The following KCNQ1OT1 variants were observed in gnomAD, a reference collection of about 807,000 sequenced individuals.
KCNQ1OT1 encodes the protein KCNQ1 opposite strand/antisense transcript 1, also known as KCNQ1 antisense RNA 2 (non-protein coding).
exon 1 of KCNQ1OT1, chr11:2,616,404 TCATA>T: frequency 5.0e-6 from 2 of 398,040 alleles, no homozygotes; most frequent in East Asian, 3.6e-5. Flanking sequence ...TTATCTCCAC[TCATA>T]CATATTATTT....
rs572565752 is a variant in KCNQ1OT1, at chr11:2,620,589, A to G, written n.79406T>C. 2.4e-4 allele frequency: 94 copies of G among 397,412 alleles called. No homozygotes were observed. The highest frequency in any genetic ancestry group is 2.0e-3 in the South Asian group (14 of 7,020). The allele number at this position is 397,412 out of a possible 1,614,324, so 24.6% of individuals were successfully genotyped here. ...CCACATTTTCTTTATCCAATCCACC[A>G]CTGATGGGCATCTAAGTGGATTCCA... is the stretch of plus-strand genomic sequence containing the variant. On this transcript the variant is annotated non_coding_transcript_exon_variant, in exon 1 of 1. Transcript: ENST00000597346. The surrounding 1 kb of genome is among the most constrained non-coding windows in gnomAD (Gnocchi z 4.5).
rs539849224 is a variant in KCNQ1OT1 at position 2,677,843 on chromosome 11, G to A, written n.22152C>T. Reference sequence around the variant, plus strand: ...TGATAGATACTGCCAAATAAGGGCTGTACCATTTACATCACTTTGACTGCA... The same window carrying A: ...TGATAGATACTGCCAAATAAGGGCTATACCATTTACATCACTTTGACTGCA... On this transcript the variant is annotated non_coding_transcript_exon_variant, in exon 1 of 1. Coordinates refer to ENST00000597346, the Ensembl canonical transcript of KCNQ1OT1. This position sits in a 1 kb window ranked among gnomAD's most constrained non-coding sequence, Gnocchi z 4.5. The A allele has an allele frequency of 5.5e-5, 22 of 398,440 alleles. No homozygotes were observed. In the East Asian group the frequency reaches 7.5e-4, roughly 14 times the overall value. 24.7% of individuals were successfully genotyped at this position (398,440 alleles called of 1,614,324 possible). A position where few individuals can be genotyped will look rare whatever the true frequency, so the allele number is the denominator to read the frequency against.
chr11:2,673,373 G>A lies in KCNQ1OT1; in HGVS notation n.26622C>T. ...GCAAACAAAGGGAAGTGACAGAGCA[G>A]AGCTCCCCTTGGCCTTTGTTTAGCC... On this transcript the variant is annotated non_coding_transcript_exon_variant, in exon 1 of 1. Coordinates refer to ENST00000597346, the Ensembl canonical transcript of KCNQ1OT1. This position sits in a 1 kb window ranked among gnomAD's most constrained non-coding sequence, Gnocchi z 4.5. The A allele has an allele frequency of 2.5e-6, 1 of 398,722 alleles. No individual in the cohort carries two copies. The highest frequency in any genetic ancestry group is 3.6e-5 in the East Asian group (1 of 28,082). 24.7% of individuals were successfully genotyped at this position (398,722 alleles called of 1,614,324 possible). A position where few individuals can be genotyped will look rare whatever the true frequency, so the allele number is the denominator to read the frequency against.
At chr11:2,650,500 C>T (rs1465019612) in exon 1 of KCNQ1OT1, 1 of 398,566 alleles carries the variant, frequency 2.5e-6, no homozygotes, top group Non-Finnish European at 4.4e-6. Context: ...GGTGTCTCTA[C>T]AATTAATTAG....
chr11:2,625,171 C>T, exon 1 of KCNQ1OT1: 1 of 398,682 alleles, frequency 2.5e-6, no homozygotes. Context: ...AACACAGAGG[C>T]TGTACCATTT....
chr11:2,682,957 T>C lies in KCNQ1OT1; in HGVS notation n.17038A>G, dbSNP rs2133882859. 2.5e-6 allele frequency: 1 copy of C among 398,608 alleles called. No individual in the cohort carries two copies. Among genetic ancestry groups the C allele is most frequent in the East Asian group, 3.6e-5 (1 of 28,060 alleles). The allele number at this position is 398,608 out of a possible 1,614,324, so 24.7% of individuals were successfully genotyped here. On this transcript the variant is annotated non_coding_transcript_exon_variant, in exon 1 of 1. Transcript: ENST00000597346. This position sits in a 1 kb window ranked among gnomAD's most constrained non-coding sequence, Gnocchi z 5.8. ...TGTGTGGAAGAAAGGACAGGAGTCC[T>C]TCTGCCACCCAGACTGTGCATTCAG... is the stretch of plus-strand genomic sequence containing the variant.
rs940333141 is a variant in KCNQ1OT1 at position 2,663,817 on chromosome 11, C to T, written n.36178G>A. On this transcript the variant is annotated non_coding_transcript_exon_variant, in exon 1 of 1. Transcript: ENST00000597346. This position sits in a 1 kb window ranked among gnomAD's most constrained non-coding sequence, Gnocchi z 5.2. ...ATCACCACTATGGGGGTGAGGGCTG[C>T]CAGTGCTGGTATCAGCACATGCCAA... 14 of 398,388 alleles carry T rather than the reference C, an allele frequency of 3.5e-5. No individual in the cohort carries two copies. The highest frequency in any genetic ancestry group is 5.3e-5 in the Non-Finnish European group (12 of 226,062). 24.7% of individuals were successfully genotyped at this position (398,388 alleles called of 1,614,324 possible).
exon 1 of KCNQ1OT1, chr11:2,648,658 T>C (rs1451320975): frequency 2.5e-6 from 1 of 398,430 alleles, no homozygotes; most frequent in African/African-American, 2.1e-5. Flanking sequence ...TTTTGACTTT[T>C]AAAAATTTAT....
chr11:2,694,158 G>C (rs1291892795), exon 1 of KCNQ1OT1: 2 of 398,574 alleles, frequency 5.0e-6, no homozygotes, highest in Admixed American at 4.4e-5. Flanking sequence ...CCAGGGAAGA[G>C]GGTACTCTGA....
Position 2,664,995 on chromosome 11 carries a change from C to T in KCNQ1OT1, n.35000G>A, listed in dbSNP as rs556986085. ...GTCCCTGGGGCTGGGCGAAGCTCCT[C>T]TTTCCGGGGCCTGTTAGCCAGAGGT... On this transcript the variant is annotated non_coding_transcript_exon_variant, in exon 1 of 1. Transcript: ENST00000597346. This position sits in a 1 kb window ranked among gnomAD's most constrained non-coding sequence, Gnocchi z 5.1. The T allele has an allele frequency of 4.5e-5, 18 of 398,656 alleles. No individual in the cohort carries two copies. Among genetic ancestry groups the T allele is most frequent in the African/African-American group, 3.3e-4 (16 of 48,716 alleles). The allele number at this position is 398,656 out of a possible 1,614,324, so 24.7% of individuals were successfully genotyped here. A position where few individuals can be genotyped will look rare whatever the true frequency, so the allele number is the denominator to read the frequency against.
exon 1 of KCNQ1OT1, chr11:2,675,303 TA>T: frequency 2.5e-6 from 1 of 398,592 alleles, no homozygotes. Flanking sequence ...TTTGGCAATA[TA>T]AAACATGAAA....
Position 2,620,949 on chromosome 11 carries a change from T to G in KCNQ1OT1, n.79046A>C, listed in dbSNP as rs1422017085. 15 of 252,972 alleles carry G rather than the reference T, an allele frequency of 5.9e-5. No homozygotes were observed. Among genetic ancestry groups the G allele is most frequent in the Non-Finnish European group, 8.7e-5 (14 of 161,594 alleles). The allele number at this position is 252,972 out of a possible 1,614,324, so 15.7% of individuals were successfully genotyped here. A position where few individuals can be genotyped will look rare whatever the true frequency, so the allele number is the denominator to read the frequency against. ...TTTTTGTTGTTGTTGTTTTGTTTTGTTTTTTTTTGTCTGTTTTTTGCTTTT... is the reference window on the plus strand; with the variant it reads ...TTTTTGTTGTTGTTGTTTTGTTTTGGTTTTTTTTGTCTGTTTTTTGCTTTT... On this transcript the variant is annotated non_coding_transcript_exon_variant, in exon 1 of 1. Coordinates refer to ENST00000597346, the Ensembl canonical transcript of KCNQ1OT1. The surrounding 1 kb of genome is among the most constrained non-coding windows in gnomAD (Gnocchi z 4.5).
chr11:2,672,404 G>C (rs1850202265), exon 1 of KCNQ1OT1: 1 of 398,534 alleles, frequency 2.5e-6, no homozygotes, highest in Non-Finnish European at 4.4e-6. Flanking sequence ...TATGGGTTAG[G>C]GGATGAGAGT....
exon 1 of KCNQ1OT1, chr11:2,625,273 C>T (rs1484416799): frequency 1.0e-5 from 4 of 398,508 alleles, no homozygotes; most frequent in Non-Finnish European, 1.8e-5. Flanking sequence ...TTTTTTGAGA[C>T]AAGATCTGGC....
exon 1 of KCNQ1OT1, chr11:2,615,412 T>G (rs11023476): frequency 0.014 from 5,686 of 398,004 alleles, 158 homozygotes; most frequent in African/African-American, 0.062. Flanking sequence ...TCTGCCTAAT[T>G]GTCATGGTTA....
rs1848919751 is a variant in KCNQ1OT1 at position 2,608,557 on chromosome 11, C to T, written n.91438G>A. 1 of 398,452 alleles carries T rather than the reference C, an allele frequency of 2.5e-6. No homozygotes were observed. The highest frequency in any genetic ancestry group is 1.3e-4 in the South Asian group (1 of 7,862). The allele number at this position is 398,452 out of a possible 1,614,324, so 24.7% of individuals were successfully genotyped here. On this transcript the variant is annotated non_coding_transcript_exon_variant, in exon 1 of 1. Transcript: ENST00000597346. This position sits in a 1 kb window ranked among gnomAD's most constrained non-coding sequence, Gnocchi z 4.6. ...GTGGTGTAATCATAGCTCACTGTAA[C>T]CTCGATCTCCTAGTCTCAAGTGATC...
At chr11:2,609,813 C>G (rs527494912) in exon 1 of KCNQ1OT1, 4 of 398,024 alleles carry the variant, frequency 1.0e-5, no homozygotes, top group African/African-American at 8.2e-5. Context: ...TTAAAATCTC[C>G]TTTGACTTTA....
chr11:2,660,900 A>G (rs187903895), exon 1 of KCNQ1OT1: 1 of 398,664 alleles, frequency 2.5e-6, no homozygotes, highest in Admixed American at 4.4e-5. Context: ...TGAATAATTA[A>G]GCAGCTTAAA....
Position 2,668,252 on chromosome 11 carries a change from G to A in KCNQ1OT1, n.31743C>T. ...GGCCAGCAGGCAGTTTCTGGTGTAG[G>A]TTGCTGTTTAAGAATATTCTGTACA... On this transcript the variant is annotated non_coding_transcript_exon_variant, in exon 1 of 1. Coordinates refer to ENST00000597346, the Ensembl canonical transcript of KCNQ1OT1. This position sits in a 1 kb window ranked among gnomAD's most constrained non-coding sequence, Gnocchi z 4.3. 2.5e-6 allele frequency: 1 copy of A among 398,602 alleles called. No homozygotes were observed. The highest frequency in any genetic ancestry group is 4.4e-5 in the Admixed American group (1 of 22,738). 24.7% of individuals were successfully genotyped at this position (398,602 alleles called of 1,614,324 possible).
Sources: gnomAD v4.1 joint callset for allele counts on GRCh38, gnomAD v4.1.1 for gene constraint, Gnocchi (gnomAD v3.1) non-coding constraint, MANE v1.5 for transcripts, NCBI Gene and HGNC (gene_info 2026-07-23, HGNC 2026-07-21) for gene names.